The following RANBP2 variants were observed in gnomAD, a reference collection of about 807,000 sequenced individuals.
RANBP2 encodes E3 SUMO-protein ligase RanBP2.
A neutral mutation model predicts 303.6 loss-of-function variants in RANBP2; 57 were observed. The observed-to-expected ratio is 0.19, with a 90% CI of 0.15 to 0.23. The LOEUF (loss-of-function observed/expected upper bound fraction) is 0.23, where lower values mean the gene tolerates loss of function less well. RANBP2 is among the 10% of genes least tolerant of loss of function. The probability of loss-of-function intolerance (pLI) is 1.00; values close to 1 mark genes in which losing one functional copy is unlikely to be tolerated. For synonymous variants in RANBP2, 1,167 were observed against 1,301.5 expected, an observed-to-expected ratio of 0.90 and a Z score of 2.23; for missense variants, 3,138 against 3,780.8, an observed-to-expected ratio of 0.83 and a Z score of 4.46.
At chr2:109,069,306 T>C in the RANBP2 span, among the ~76,000 whole-genome samples, 1 of 152,226 alleles carries the variant, frequency 6.6e-6, no homozygotes, top group South Asian at 2.1e-4. Context: ...ATGTTTGATT[T>C]GGACACATGG....
the RANBP2 span, among the ~76,000 whole-genome samples, chr2:109,307,090 C>T: frequency 2.0e-5 from 3 of 152,150 alleles, no homozygotes; most frequent in Non-Finnish European, 4.4e-5. Flanking sequence ...AATCAACAGA[C>T]ATTCTTTATT....
the RANBP2 span, among the ~76,000 whole-genome samples, chr2:109,046,660 G>T: frequency 5.3e-5 from 8 of 152,062 alleles, no homozygotes; most frequent in Admixed American, 3.9e-4. Flanking sequence ...GATTACAGGC[G>T]TGAGCCACCT....
the RANBP2 span, among the ~76,000 whole-genome samples, chr2:108,833,968 T>C: frequency 6.8e-6 from 1 of 147,198 alleles, no homozygotes; most frequent in Non-Finnish European, 1.5e-5. Flanking sequence ...GGATGGTCTC[T>C]ATCTCCTGAT....
the RANBP2 span, among the ~76,000 whole-genome samples, chr2:109,303,483 G>C: frequency 2.6e-5 from 4 of 152,324 alleles, no homozygotes; most frequent in South Asian, 8.3e-4. Flanking sequence ...AACTTTTTAA[G>C]TGAAAATATT....
chr2:108,727,564 CTT>C (rs1187903687), intron 1 of RANBP2, among the ~76,000 whole-genome samples: 115 of 147,632 alleles, frequency 7.8e-4, no homozygotes, highest in African/African-American at 2.4e-3. Context: ...GCTGTATACT[CTT>C]TATCACATGG....
the RANBP2 span, among the ~76,000 whole-genome samples, chr2:109,029,406 G>A: frequency 6.6e-5 from 10 of 152,310 alleles, no homozygotes; most frequent in Admixed American, 3.3e-4. Flanking sequence ...GGTAAGGAAG[G>A]CATGGGAATC....
chr2:108,722,848 A>T (rs1441921175), intron 1 of RANBP2, among the ~76,000 whole-genome samples: 2 of 151,662 alleles, frequency 1.3e-5, no homozygotes, highest in African/African-American at 4.9e-5. Context: ...CAGAGATTGC[A>T]CCACTGCACT....
At chr2:109,641,634 G>A in the RANBP2 span, among the ~76,000 whole-genome samples, 1 of 152,184 alleles carries the variant, frequency 6.6e-6, no homozygotes, top group Admixed American at 6.6e-5. Flanking sequence ...AAGAGTTTCA[G>A]TTTGGAAGGA....
At chr2:109,283,440 C>T in the RANBP2 span, among the ~76,000 whole-genome samples, 1 of 152,182 alleles carries the variant, frequency 6.6e-6, no homozygotes, top group Non-Finnish European at 1.5e-5. Context: ...GAGCTTTGCT[C>T]CCCTGTGGAG....
the RANBP2 span, among the ~76,000 whole-genome samples, chr2:109,102,823 G>C: frequency 2.0e-5 from 3 of 152,156 alleles, no homozygotes; most frequent in Admixed American, 1.3e-4. Flanking sequence ...AGAATAATGG[G>C]AGCTACTTAA....
At chr2:109,433,944 A>G in the RANBP2 span, among the ~76,000 whole-genome samples, 1 of 152,222 alleles carries the variant, frequency 6.6e-6, no homozygotes, top group Non-Finnish European at 1.5e-5. Context: ...AGCTGCCCAC[A>G]GCCTCCTGCG....
the RANBP2 span, among the ~76,000 whole-genome samples, chr2:109,012,775 G>A: frequency 1.3e-4 from 20 of 152,284 alleles, no homozygotes; most frequent in South Asian, 2.1e-4. Context: ...TTAGCCGGGC[G>A]TGTTGGCGGG....
the RANBP2 span, among the ~76,000 whole-genome samples, chr2:108,835,313 T>A: frequency 1.3e-5 from 2 of 152,200 alleles, no homozygotes; most frequent in Admixed American, 6.5e-5. Context: ...AATGATTGAG[T>A]GCTGTTCTTA....
the RANBP2 span, chr2:108,910,783 CTCTT>C: frequency 5.0e-6 from 8 of 1,613,174 alleles, no homozygotes; most frequent in South Asian, 8.8e-5. Flanking sequence ...GACCTGGGGC[CTCTT>C]TCTTCTCCTC....
the RANBP2 span, among the ~76,000 whole-genome samples, chr2:109,662,000 T>C: frequency 6.6e-6 from 1 of 152,200 alleles, no homozygotes; most frequent in Non-Finnish European, 1.5e-5. Context: ...TCATAATTGG[T>C]TGAAGGCCCC....
At chr2:109,131,803 G>A in the RANBP2 span, among the ~76,000 whole-genome samples, 6 of 152,166 alleles carry the variant, frequency 3.9e-5, no homozygotes, top group East Asian at 3.8e-4. Context: ...TTCTTTATGG[G>A]TGCATAGTCA....
the RANBP2 span, among the ~76,000 whole-genome samples, chr2:108,978,578 T>G: frequency 6.6e-6 from 1 of 152,178 alleles, no homozygotes; most frequent in Non-Finnish European, 1.5e-5. Flanking sequence ...GAAAAGTTTT[T>G]TTTTCTTGTT....
the RANBP2 span, among the ~76,000 whole-genome samples, chr2:109,266,838 C>T: frequency 2.6e-5 from 4 of 152,150 alleles, no homozygotes; most frequent in South Asian, 6.2e-4. Flanking sequence ...TATTTAATCA[C>T]CCTCCAAATA....
At chr2:109,651,393 C>T in the RANBP2 span, among the ~76,000 whole-genome samples, 1 of 152,140 alleles carries the variant, frequency 6.6e-6, no homozygotes, top group Non-Finnish European at 1.5e-5. Flanking sequence ...TTCCATGACA[C>T]CTACTCCTGC....
Sources: allele counts gnomAD v4.1 joint callset (sites outside exome capture counted in the v4.1 genomes callset), GRCh38; gene constraint gnomAD v4.1.1; transcripts MANE v1.5; gene names NCBI Gene and HGNC (gene_info 2026-07-23, HGNC 2026-07-21).